ACO2: variants seen among roughly 807,000 people sequenced by gnomAD.
The protein encoded by ACO2 is aconitate hydratase, mitochondrial.
Under a neutral mutation model 84.5 loss-of-function variants are expected in ACO2, and 31 were observed. That is an observed-to-expected ratio of 0.37 (90% CI 0.28 to 0.50). The LOEUF is 0.50. Among genes scored for constraint, ACO2 ranks in the 20% least tolerant of loss-of-function variants. ACO2 has a pLI of 0.97. For synonymous variants in ACO2, 414 were observed against 412.7 expected, an observed-to-expected ratio of 1.00 and a Z score of -0.04; for missense variants, 685 against 1,029.3, an observed-to-expected ratio of 0.67 and a Z score of 4.58.
In ACO2 at chr22:41,522,991, A is replaced by G; in HGVS notation, c.1296+4A>G. On this transcript the variant is annotated splice_donor_region_variant and intron_variant, in intron 10 of 17. Coordinates refer to ENST00000216254, the MANE Select transcript of ACO2 (RefSeq NM_001098.3). ...CACCATTGAGCGGGACGGCTATGTG[A>G]GTGCCCATATCCCCCTGCCCATCTC... The G allele has an allele frequency of 1.9e-6, 3 of 1,614,022 alleles. No homozygotes were observed. Among genetic ancestry groups the G allele is most frequent in the Non-Finnish European group, 2.5e-6 (3 of 1,179,928 alleles).
intron 3 of ACO2, among the ~76,000 whole-genome samples, 160 bp from the exon 4 acceptor site, chr22:41,511,716 C>T (rs2066434131): frequency 6.6e-6 from 1 of 152,202 alleles, no homozygotes; most frequent in African/African-American, 2.4e-5. Context: ...AACATCCAAG[C>T]TCTTTGGAAT....
At chr22:41,483,875 G>A (rs1461662574) in intron 1 of ACO2, among the ~76,000 whole-genome samples, 2 of 152,110 alleles carry the variant, frequency 1.3e-5, no homozygotes, top group Middle Eastern at 3.2e-3. Context: ...AACTCAAGAG[G>A]AGGACAGGAT....
At chr22:41,505,156 C>T (rs1050777420) in intron 2 of ACO2, among the ~76,000 whole-genome samples, 5 of 152,004 alleles carry the variant, frequency 3.3e-5, no homozygotes, top group African/African-American at 9.7e-5. Context: ...AGGTGGCTCA[C>T]ACCTGTAATC....
chr22:41,484,762 C>T (rs2038131284), intron 1 of ACO2, among the ~76,000 whole-genome samples: 2 of 152,086 alleles, frequency 1.3e-5, no homozygotes. Context: ...TCATTTCATT[C>T]CTCACATAAT....
intron 1 of ACO2, among the ~76,000 whole-genome samples, chr22:41,476,316 A>G (rs1199459864): frequency 1.3e-5 from 2 of 151,306 alleles, no homozygotes; most frequent in African/African-American, 4.9e-5. Context: ...CTAAGACAGG[A>G]GAATCGTTTG....
At chr22:41,516,612 C>T (rs1458854441) in intron 6 of ACO2, among the ~76,000 whole-genome samples, 1 of 152,220 alleles carries the variant, frequency 6.6e-6, no homozygotes, top group Non-Finnish European at 1.5e-5. Context: ...CCCATACCTC[C>T]GTCCTAGTGG....
At chr22:41,491,807 A>G (rs1221132590) in intron 1 of ACO2, among the ~76,000 whole-genome samples, 1 of 152,212 alleles carries the variant, frequency 6.6e-6, no homozygotes, top group Non-Finnish European at 1.5e-5. Context: ...TATTTATGGC[A>G]AAACTAAGAT....
At chr22:41,496,541 C>G (rs2066314929) in intron 1 of ACO2, among the ~76,000 whole-genome samples, 1 of 152,158 alleles carries the variant, frequency 6.6e-6, no homozygotes. Flanking sequence ...GTTGTGGGGC[C>G]ATCCTTAAAC....
chr22:41,471,580 G>T (rs949117293), intron 1 of ACO2, among the ~76,000 whole-genome samples: 1 of 152,144 alleles, frequency 6.6e-6, no homozygotes, highest in East Asian at 1.9e-4. Context: ...CCCTGTTCTC[G>T]TGGAGCTTCC....
At chr22:41,480,562 C>T (rs377482674) in intron 1 of ACO2, among the ~76,000 whole-genome samples, 94 of 152,234 alleles carry the variant, frequency 6.2e-4, no homozygotes, top group South Asian at 3.7e-3. Flanking sequence ...AGGCAGGCCA[C>T]GTTTTAGTAG....
intron 11 of ACO2, 32 bp downstream of exon 11, chr22:41,523,310 C>G: frequency 1.3e-6 from 2 of 1,556,538 alleles, no homozygotes; most frequent in South Asian, 2.3e-5. Context: ...AAGACAGCCC[C>G]TTGTGCACAG....
intron 1 of ACO2, among the ~76,000 whole-genome samples, chr22:41,475,600 A>G (rs1425342840): frequency 6.6e-6 from 1 of 152,054 alleles, no homozygotes; most frequent in African/African-American, 2.4e-5. Flanking sequence ...TAGCCTTTAA[A>G]AAGCAGCAAA....
intron 10 of ACO2, 29 bp downstream of exon 10, chr22:41,523,016 C>T: frequency 6.2e-7 from 1 of 1,611,792 alleles, no homozygotes. Context: ...CTGCCCATCT[C>T]CCCCACCCCA....
In ACO2 at chr22:41,477,164, A is replaced by T. The variant is rs546082099; in HGVS notation, c.36+7982A>T. 7.2e-4 allele frequency among the ~76,000 whole-genome samples: 101 copies of T among 139,884 alleles called. 1 individual carries two copies. Among genetic ancestry groups the T allele is most frequent in the South Asian group, 1.5e-3 (7 of 4,626 alleles). The allele number at this position is 139,884 out of a possible 152,430, so 91.8% of individuals were successfully genotyped here. On this transcript the variant is annotated intron_variant, in intron 1 of 17. Coordinates refer to ENST00000216254, the MANE Select transcript of ACO2 (RefSeq NM_001098.3). ...TATTTATTTATTTATTTATTTATTT[A>T]TTTTTTTGAGACGGAGTCTGGCTCT...
chr22:41,501,769 C>T (rs1394061832), intron 2 of ACO2, among the ~76,000 whole-genome samples: 1 of 152,138 alleles, frequency 6.6e-6, no homozygotes, highest in Middle Eastern at 3.2e-3. Flanking sequence ...CCCATACTCC[C>T]TTTCTCATGC....
intron 2 of ACO2, 45 bp from the exon 3 acceptor site, chr22:41,507,745 GC>G (rs1332128837): frequency 6.3e-6 from 10 of 1,582,382 alleles, no homozygotes; most frequent in Non-Finnish European, 8.6e-6. Flanking sequence ...GCGGGAGGAG[GC>G]CGTGCAGCTA....
At chr22:41,475,913 A>C (rs79649719) in intron 1 of ACO2, among the ~76,000 whole-genome samples, 1 of 149,066 alleles carries the variant, frequency 6.7e-6, no homozygotes, top group African/African-American at 2.5e-5. Context: ...AAAAAAAAAA[A>C]GCAGCAGATG....
intron 1 of ACO2, among the ~76,000 whole-genome samples, chr22:41,482,875 T>A (rs2038105120): frequency 6.6e-6 from 1 of 152,220 alleles, no homozygotes. Context: ...TGAGCCCAGA[T>A]CTCCAAAGCT....
At position 41,474,492 on chromosome 22, in the gene ACO2, C is replaced by A. The variant is rs375108521; in HGVS notation, c.36+5310C>A. ...GTGTGTTTTTAGTAGAGACGGGTTTCACGTGTTAGCCAGGATGGTCTCAAT... is the reference window on the plus strand; with the variant it reads ...GTGTGTTTTTAGTAGAGACGGGTTTAACGTGTTAGCCAGGATGGTCTCAAT... On this transcript the variant is annotated intron_variant, in intron 1 of 17. Transcript: ENST00000216254. Among the ~76,000 whole-genome samples the A allele has an allele frequency of 2.7e-5, 4 of 148,320 alleles. No homozygotes were observed. In the East Asian group the frequency reaches 7.9e-4, roughly 29 times the overall value.
Sources: gnomAD v4.1 joint callset for allele counts (sites outside exome capture counted in the v4.1 genomes callset) on GRCh38, gnomAD v4.1.1 for gene constraint, MANE v1.5 for transcripts, NCBI Gene and HGNC (gene_info 2026-07-23, HGNC 2026-07-21) for gene names.